The following TMEM97 variants were observed in gnomAD, a reference collection of about 807,000 sequenced individuals.
TMEM97 encodes transmembrane protein 97, also known as sigma intracellular receptor 2.
Under a neutral mutation model 18.3 loss-of-function variants are expected in TMEM97, and 13 were observed. The ratio of observed to expected loss-of-function variants is 0.71; its 90% CI spans 0.46 to 1.13. The LOEUF (loss-of-function observed/expected upper bound fraction) is 1.13, where lower values mean the gene tolerates loss of function less well. Among genes scored for constraint, TMEM97 ranks in the 50% most tolerant of loss-of-function variants. The pLI, the probability that TMEM97 is intolerant of heterozygous loss-of-function variation, is 0.00. For missense variants in TMEM97, 205 were observed against 210.5 expected (o/e 0.97, Z 0.16); for synonymous variants, 76 against 85.3 (o/e 0.89, Z 0.60).
At chr17:28,319,531 G>T in intron 1 of TMEM97, 166 bp downstream of exon 1, 1 of 849,994 alleles carries the variant, frequency 1.2e-6, no homozygotes, top group Non-Finnish European at 1.7e-6. Context: ...TGTTTTCCTC[G>T]GGCTTTGTCT....
chr17:28,328,455 C>T lies in TMEM97; in HGVS notation c.*1662C>T. 3.5e-6 allele frequency: 2 copies of T among 576,256 alleles called. No individual in the cohort carries two copies. The highest frequency in any genetic ancestry group is 6.1e-6 in the Non-Finnish European group (2 of 325,800). The allele number at this position is 576,256 out of a possible 1,614,324, so 35.7% of individuals were successfully genotyped here. ...GGTGAGAACGTACACTGCAGGGCCA[C>T]CAGCAGCAGCTGTGCACTGATGTTA... On this transcript the variant is annotated 3_prime_UTR_variant, in exon 3 of 3. Coordinates refer to ENST00000226230, the MANE Select transcript of TMEM97 (RefSeq NM_014573.3).
rs374206137 is a variant in TMEM97 at position 28,325,544 on chromosome 17, C to T, written c.168C>T (p.Asp56=). Residue 56 remains aspartate (D), a synonymous_variant, in exon 2 of 3, where the codon GAC becomes GAT. Coordinates refer to ENST00000226230, the MANE Select transcript of TMEM97 (RefSeq NM_014573.3). Reference sequence around the variant, plus strand: ...AGTGGTATGCTAAGGAGTTCAAAGACCCACTGCTACAGGAGCCCCCAGCCT... The same window carrying T: ...AGTGGTATGCTAAGGAGTTCAAAGATCCACTGCTACAGGAGCCCCCAGCCT... The part of the protein sequence containing the change: ...LLKWYAKEFK[D]PLLQEPPAWF... The T allele has an allele frequency of 1.2e-6, 2 of 1,614,044 alleles. No homozygotes were observed. The highest frequency in any genetic ancestry group is 1.7e-5 in the Admixed American group (1 of 60,002).
chr17:28,319,463 G>A, intron 1 of TMEM97, 98 bp downstream of exon 1: 3 of 1,392,032 alleles, frequency 2.2e-6, no homozygotes, highest in Non-Finnish European at 2.8e-6. Context: ...CTGGGTTCCA[G>A]TTGCCTCTCT....
At position 28,325,657 on chromosome 17, in the gene TMEM97, T is replaced by C; in HGVS notation, c.271+10T>C. 6.2e-7 allele frequency: 1 copy of C among 1,613,538 alleles called. No homozygotes were observed. The highest frequency in any genetic ancestry group is 8.5e-7 in the Non-Finnish European group (1 of 1,179,868). On this transcript the variant is annotated intron_variant, in intron 2 of 2. Coordinates refer to ENST00000226230, the MANE Select transcript of TMEM97 (RefSeq NM_014573.3). Reference sequence around the variant, plus strand: ...TATGCCTTCCTCAAAGGTTGGTAAATGGTGGGAAAATCCCATTTTTACTCA... The same window carrying C: ...TATGCCTTCCTCAAAGGTTGGTAAACGGTGGGAAAATCCCATTTTTACTCA...
rs1453569723 is a variant in TMEM97, at chr17:28,327,498, C to G, written c.*705C>G. 1 of 152,202 alleles carries G rather than the reference C, an allele frequency of 6.6e-6. No homozygotes were observed. The highest frequency in any genetic ancestry group is 1.5e-5 in the Non-Finnish European group (1 of 68,044). 9.4% of individuals were successfully genotyped at this position (152,202 alleles called of 1,614,324 possible). On this transcript the variant is annotated 3_prime_UTR_variant, in exon 3 of 3. Transcript: ENST00000226230. The stretch of plus-strand genomic sequence containing the variant: ...CAGCATATATGCTTATGACTAAACC[C>G]TCCACTCCTGATTCTCAAGAGTGTA...
chr17:28,326,642 G>C lies in TMEM97; in HGVS notation c.380G>C (p.Ser127Thr). 1 of 1,614,212 alleles carries C rather than the reference G, an allele frequency of 6.2e-7. No homozygotes were observed. Among genetic ancestry groups the C allele is most frequent in the Non-Finnish European group, 8.5e-7 (1 of 1,180,046 alleles). The stretch of plus-strand genomic sequence containing the variant: ...CTGTTTGAGGATTTCTCCAAAGCCA[G>C]TGGTTTCAAGGGACAAAGACCTGAG... ...TFLFEDFSKA[S>T]GFKGQRPETL... The change falls in exon 3 of 3, where the codon AGT becomes ACT. Residue 127 changes from serine (S) to threonine (T), a missense_variant. Physicochemically the swap from Ser to Thr is moderately conservative, Grantham distance 58. Transcript: ENST00000226230.
rs1906388929 is a variant in TMEM97 at position 28,327,161 on chromosome 17, G to A, written c.*368G>A. 4.6e-6 allele frequency: 1 copy of A among 218,642 alleles called. No individual in the cohort carries two copies. Among genetic ancestry groups the A allele is most frequent in the South Asian group, 7.1e-5 (1 of 14,120 alleles). 13.5% of individuals were successfully genotyped at this position (218,642 alleles called of 1,614,324 possible). A position where few individuals can be genotyped will look rare whatever the true frequency, so the allele number is the denominator to read the frequency against. On this transcript the variant is annotated 3_prime_UTR_variant, in exon 3 of 3. Transcript: ENST00000226230. Reference sequence around the variant, plus strand: ...TGTTTTTTTTGTGTGTGTGGAGACAGGGTTTTGCCATGTTGCCCAGGTTGG... The same window carrying A: ...TGTTTTTTTTGTGTGTGTGGAGACAAGGTTTTGCCATGTTGCCCAGGTTGG...
chr17:28,324,356 T>C (rs578037047), intron 1 of TMEM97, among the ~76,000 whole-genome samples: 37 of 152,372 alleles, frequency 2.4e-4, no homozygotes, highest in African/African-American at 8.9e-4. Flanking sequence ...TATTTGTTTC[T>C]GGATGTTTGC....
chr17:28,327,006 G>T lies in TMEM97; in HGVS notation c.*213G>T. ...AAGACAGTCTCACTCTGTTGCCCAG[G>T]CTGGAGTAAAGGGCAGTGGCATGAT... On this transcript the variant is annotated 3_prime_UTR_variant, in exon 3 of 3. Transcript: ENST00000226230. The T allele has an allele frequency of 3.5e-6, 2 of 570,268 alleles. No individual in the cohort carries two copies. Among genetic ancestry groups the T allele is most frequent in the East Asian group, 6.5e-5 (2 of 30,684 alleles). 35.3% of individuals were successfully genotyped at this position (570,268 alleles called of 1,614,324 possible). A position where few individuals can be genotyped will look rare whatever the true frequency, so the allele number is the denominator to read the frequency against.
chr17:28,328,616 G>A lies in TMEM97; in HGVS notation c.*1823G>A. 7.1e-7 allele frequency: 1 copy of A among 1,415,694 alleles called. No homozygotes were observed. The highest frequency in any genetic ancestry group is 9.8e-7 in the Non-Finnish European group (1 of 1,021,442). The allele number at this position is 1,415,694 out of a possible 1,614,324, so 87.7% of individuals were successfully genotyped here. A position where few individuals can be genotyped will look rare whatever the true frequency, so the allele number is the denominator to read the frequency against. ...TTTTGGTTTTGAGAGGCTTTTTTTT[G>A]TTTTGCCTTCCTACTATAAAAGCGA... is the stretch of plus-strand genomic sequence containing the variant. On this transcript the variant is annotated 3_prime_UTR_variant, in exon 3 of 3. Coordinates refer to ENST00000226230, the MANE Select transcript of TMEM97 (RefSeq NM_014573.3).
Position 28,328,329 on chromosome 17 carries a change from T to C in TMEM97, c.*1536T>C, listed in dbSNP as rs1298424916. ...ACAGGAAAAAAGGTACATCAAGCCA[T>C]TTGAAAACAAAAATTTATTGCTTCT... On this transcript the variant is annotated 3_prime_UTR_variant, in exon 3 of 3. Coordinates refer to ENST00000226230, the MANE Select transcript of TMEM97 (RefSeq NM_014573.3). 6.2e-5 allele frequency: 16 copies of C among 256,530 alleles called. No homozygotes were observed. In the South Asian group the frequency reaches 8.8e-4, roughly 14 times the overall value. The allele number at this position is 256,530 out of a possible 1,614,324, so 15.9% of individuals were successfully genotyped here.
chr17:28,322,527 A>AACC (rs1428543977), intron 1 of TMEM97, among the ~76,000 whole-genome samples: 2 of 152,134 alleles, frequency 1.3e-5, no homozygotes, highest in Admixed American at 6.6e-5. Context: ...TACAGGTGTG[A>AACC]ACCACCACGC....
Position 28,326,980 on chromosome 17 carries a change from T to TTA in TMEM97, c.*187_*188insTA. ...CCTTCTTCCATTTTTTTTTTTTTTT[T>TTA]AAGACAGTCTCACTCTGTTGCCCAG... is the stretch of plus-strand genomic sequence containing the variant. On this transcript the variant is annotated 3_prime_UTR_variant, in exon 3 of 3. Transcript: ENST00000226230. The TTA allele has an allele frequency of 1.5e-6, 1 of 657,428 alleles. No individual in the cohort carries two copies. Among genetic ancestry groups the TTA allele is most frequent in the Non-Finnish European group, 2.5e-6 (1 of 405,138 alleles). 40.7% of individuals were successfully genotyped at this position (657,428 alleles called of 1,614,324 possible).
chr17:28,320,212 T>C (rs1309430122), intron 1 of TMEM97, among the ~76,000 whole-genome samples: 6 of 152,214 alleles, frequency 3.9e-5, no homozygotes, highest in Non-Finnish European at 8.8e-5. Context: ...GCGTCTGTTT[T>C]TCCTTAAATG....
Position 28,325,446 on chromosome 17 carries a change from C to T in TMEM97, c.127-57C>T, listed in dbSNP as rs1334121005. On this transcript the variant is annotated intron_variant, in intron 1 of 2. Coordinates refer to ENST00000226230, the MANE Select transcript of TMEM97 (RefSeq NM_014573.3). ...TCCAGTGTATTTTCAAATGAGCTAG[C>T]GCCGAGCCTGTTGAGGGCAAGTGGC... 5.6e-6 allele frequency: 9 copies of T among 1,598,532 alleles called. 1 individual carries two copies. The South Asian group carries it at 5.7e-5, about 10-fold the overall frequency.
intron 2 of TMEM97, chr17:28,325,863 G>T: frequency 3.3e-6 from 2 of 606,624 alleles, no homozygotes; most frequent in Non-Finnish European, 5.7e-6. Context: ...TGCCTCAGTC[G>T]TCTGGAAATC....
intron 2 of TMEM97, 125 bp from the exon 3 acceptor site, chr17:28,326,409 G>A (rs1597780859): frequency 8.2e-7 from 1 of 1,214,322 alleles, no homozygotes; most frequent in East Asian, 2.4e-5. Flanking sequence ...CAGGTTTCCA[G>A]TTCCGAGTTT....
In TMEM97 at chr17:28,319,309, A is replaced by G; in HGVS notation, c.70A>G (p.Ile24Val). ...CCTCTACTTCCTCAGCCACATCCCC[A>G]TCACCCTGTTCATGGACCTGCAGGC... ...LGLYFLSHIPITLFMDLQAVL... is the reference protein window; with the variant it reads ...LGLYFLSHIPVTLFMDLQAVL... The change falls in exon 1 of 3, where the codon ATC becomes GTC. Residue 24 changes from isoleucine to valine, a missense_variant. Transcript: ENST00000226230. The G allele has an allele frequency of 1.2e-6, 2 of 1,611,158 alleles. No individual in the cohort carries two copies. Among genetic ancestry groups the G allele is most frequent in the Non-Finnish European group, 1.7e-6 (2 of 1,178,754 alleles).
At chr17:28,323,646 G>A (rs919316878) in intron 1 of TMEM97, among the ~76,000 whole-genome samples, 15 of 152,046 alleles carry the variant, frequency 9.9e-5, no homozygotes, top group Non-Finnish European at 1.3e-4. Context: ...TGATCCACCC[G>A]CCTTGACCTC....
Sources: gnomAD v4.1 joint callset for allele counts (sites outside exome capture counted in the v4.1 genomes callset) on GRCh38, gnomAD v4.1.1 for gene constraint, MANE v1.5 for transcripts, NCBI Gene and HGNC (gene_info 2026-07-23, HGNC 2026-07-21) for gene names.